The following ATXN8OS variants were observed in gnomAD, a reference collection of about 807,000 sequenced individuals.
ATXN8OS encodes the protein ATXN8 opposite strand (non-protein coding).
At chr13:70,122,688 A>T (rs1396363021) in intron 2 of ATXN8OS, among the ~76,000 whole-genome samples, 1 of 152,076 alleles carries the variant, frequency 6.6e-6, no homozygotes, top group African/African-American at 2.4e-5. Context: ...CTTTCAAAAC[A>T]GTTTATGTAA....
intron 4 of ATXN8OS, among the ~76,000 whole-genome samples, chr13:70,149,936 G>C (rs1888841157): frequency 6.6e-6 from 1 of 152,108 alleles, no homozygotes; most frequent in Admixed American, 6.6e-5. Flanking sequence ...TGAAGGCAGA[G>C]AGGAAGTGAG....
chr13:70,170,359 A>G (rs906096169), exon 5 of ATXN8OS, among the ~76,000 whole-genome samples: 2 of 152,136 alleles, frequency 1.3e-5, no homozygotes, highest in Non-Finnish European at 2.9e-5. Flanking sequence ...AATAACTTCA[A>G]CATATGTCTG....
At chr13:70,112,920 A>ATATATATTTTTT (rs1555298511) in intron 1 of ATXN8OS, among the ~76,000 whole-genome samples, 2 of 87,588 alleles carry the variant, frequency 2.3e-5, no homozygotes, top group Admixed American at 1.4e-4. Flanking sequence ...TATATATATA[A>ATATATATTTTTT]TTTTTTTTTT....
chr13:70,122,694 T>C (rs1888378031), intron 2 of ATXN8OS, among the ~76,000 whole-genome samples: 1 of 152,042 alleles, frequency 6.6e-6, no homozygotes, highest in Admixed American at 6.6e-5. Context: ...AAACAGTTTA[T>C]GTAAAACGTA....
intron 4 of ATXN8OS, among the ~76,000 whole-genome samples, chr13:70,147,603 A>C (rs920193625): frequency 6.6e-6 from 1 of 152,196 alleles, no homozygotes; most frequent in African/African-American, 2.4e-5. Context: ...TTACTCATTT[A>C]TTCTTCCTTA....
rs1888928298 is a variant in ATXN8OS, at chr13:70,155,797, C to CCA, written n.573+8369_573+8370insCA. On this transcript the variant is annotated intron_variant and non_coding_transcript_variant, in intron 4 of 4. Transcript: ENST00000678624. Reference sequence around the variant, plus strand: ...ATTTTTTTTTTTGCCAAAACTGAGACAAAAAAAAAATGAAAAGAAAAAAAG... The same window carrying CCA: ...ATTTTTTTTTTTGCCAAAACTGAGACCAAAAAAAAAAATGAAAAGAAAAAAAG... 2.2e-5 allele frequency among the ~76,000 whole-genome samples: 3 copies of CCA among 137,500 alleles called. No individual in the cohort carries two copies. The South Asian group carries it at 6.8e-4, about 31-fold the overall frequency. 90.2% of individuals were successfully genotyped at this position (137,500 alleles called of 152,430 possible). A position where few individuals can be genotyped will look rare whatever the true frequency, so the allele number is the denominator to read the frequency against.
chr13:70,145,068 T>C (rs1036982947), intron 3 of ATXN8OS, among the ~76,000 whole-genome samples: 1 of 152,204 alleles, frequency 6.6e-6, no homozygotes, highest in South Asian at 2.1e-4. Flanking sequence ...TTTCTACATA[T>C]GTCTAGACAG....
In ATXN8OS at chr13:70,164,717, G is replaced by A. The variant is rs907794480; in HGVS notation, n.574-5036G>A. ...AAGCAAGATTGGGAATGAAAAATTG[G>A]CAAGACATTATAATGAAACACCAGT... On this transcript the variant is annotated intron_variant and non_coding_transcript_variant, in intron 4 of 4. Transcript: ENST00000678624. Among the ~76,000 whole-genome samples, 15 of 151,956 alleles carry A rather than the reference G, an allele frequency of 9.9e-5. No individual in the cohort carries two copies. The East Asian group carries it at 2.9e-3, about 29-fold the overall frequency.
At chr13:70,128,546 TA>T (rs5804478) in intron 2 of ATXN8OS, among the ~76,000 whole-genome samples, 11,959 of 146,122 alleles carry the variant, frequency 0.082, 675 homozygotes, top group East Asian at 0.31. Flanking sequence ...GCTTAAAAAT[TA>T]AAAAAAAAAA....
chr13:70,117,945 C>T (rs909083176), intron 2 of ATXN8OS, among the ~76,000 whole-genome samples: 29 of 152,080 alleles, frequency 1.9e-4, no homozygotes, highest in African/African-American at 6.5e-4. Context: ...TTACTATTCA[C>T]TTGAGTATTC....
intron 3 of ATXN8OS, among the ~76,000 whole-genome samples, chr13:70,137,298 A>T (rs1888631750): frequency 1.3e-5 from 2 of 152,218 alleles, no homozygotes; most frequent in African/African-American, 4.8e-5. Flanking sequence ...CTCCAGGGTC[A>T]AAGTGTCATA....
intron 3 of ATXN8OS, among the ~76,000 whole-genome samples, chr13:70,147,024 T>C (rs556377253): frequency 2.6e-5 from 4 of 152,202 alleles, no homozygotes; most frequent in Non-Finnish European, 5.9e-5. Context: ...AAATTAAGTA[T>C]GTGTTTTTGC....
At chr13:70,154,154 C>T (rs1888907720) in intron 4 of ATXN8OS, among the ~76,000 whole-genome samples, 1 of 152,098 alleles carries the variant, frequency 6.6e-6, no homozygotes. Flanking sequence ...TTTATTTCTC[C>T]ACATATTTTA....
intron 2 of ATXN8OS, among the ~76,000 whole-genome samples, chr13:70,118,924 C>G (rs190424491): frequency 6.6e-6 from 1 of 151,296 alleles, no homozygotes; most frequent in Non-Finnish European, 1.5e-5. Context: ...TACTTTTATA[C>G]GAGCATTGCA....
chr13:70,145,163 G>A (rs1888765340), intron 3 of ATXN8OS, among the ~76,000 whole-genome samples: 2 of 151,920 alleles, frequency 1.3e-5, no homozygotes, highest in Admixed American at 6.6e-5. Context: ...ATGGTTGTAG[G>A]TATGTGGCAT....
chr13:70,116,156 G>C (rs78193523), intron 2 of ATXN8OS, among the ~76,000 whole-genome samples: 1 of 49,740 alleles, frequency 2.0e-5, no homozygotes, highest in Non-Finnish European at 3.7e-5. Context: ...GGGTGTATCA[G>C]TTAAAAAAAA....
intron 3 of ATXN8OS, among the ~76,000 whole-genome samples, chr13:70,133,870 C>CCCA (rs1459113435): frequency 1.3e-5 from 2 of 152,056 alleles, no homozygotes; most frequent in African/African-American, 4.8e-5. Flanking sequence ...TTTTAAGCCA[C>CCCA]CCACTTTCTG....
In ATXN8OS at chr13:70,155,010, C is replaced by T. The variant is rs1006998620; in HGVS notation, n.573+7582C>T. Among the ~76,000 whole-genome samples, 75 of 152,170 alleles carry T rather than the reference C, an allele frequency of 4.9e-4. 1 individual carries two copies. The highest frequency in any genetic ancestry group is 4.8e-3 in the Admixed American group (74 of 15,280). On this transcript the variant is annotated intron_variant and non_coding_transcript_variant, in intron 4 of 4. Coordinates refer to ENST00000678624, the Ensembl canonical transcript of ATXN8OS. ...GTAAGCTTGCTTCAAGCTAGCCAACCCCCTTTTGTGAAGTGTGTATAAAAG... is the reference window on the plus strand; with the variant it reads ...GTAAGCTTGCTTCAAGCTAGCCAACTCCCTTTTGTGAAGTGTGTATAAAAG...
At chr13:70,128,622 TA>T (rs1480582804) in intron 2 of ATXN8OS, among the ~76,000 whole-genome samples, 3 of 152,178 alleles carry the variant, frequency 2.0e-5, no homozygotes, top group Non-Finnish European at 4.4e-5. Flanking sequence ...AACCCATGTT[TA>T]AAAATGCTAA....
Sources: allele counts gnomAD v4.1 joint callset (sites outside exome capture counted in the v4.1 genomes callset), GRCh38; gene constraint gnomAD v4.1.1; transcripts MANE v1.5; gene names NCBI Gene and HGNC (gene_info 2026-07-23, HGNC 2026-07-21).